MPRIP: variants seen among roughly 807,000 people sequenced by gnomAD.
MPRIP encodes the protein myosin phosphatase Rho interacting protein.
Under a neutral mutation model 234.9 loss-of-function variants are expected in MPRIP, and 59 were observed. That is an observed-to-expected ratio of 0.25 (90% CI 0.20 to 0.31). MPRIP has a LOEUF of 0.31. MPRIP is among the 10% of genes least tolerant of loss of function. The pLI, the probability that MPRIP is intolerant of heterozygous loss-of-function variation, is 1.00. For synonymous variants in MPRIP, 1,144 were observed against 1,263.9 expected (o/e 0.91, Z 2.01); for missense variants, 2,436 against 3,071.0 (o/e 0.79, Z 4.89).
chr17:17,078,150 C>A lies in MPRIP; in HGVS notation c.267+74C>A, dbSNP rs751158636. The A allele has an allele frequency of 1.4e-6, 2 of 1,455,086 alleles. No homozygotes were observed. Among genetic ancestry groups the A allele is most frequent in the Admixed American group, 1.7e-5 (1 of 59,532 alleles). The allele number at this position is 1,455,086 out of a possible 1,614,324, so 90.1% of individuals were successfully genotyped here. On this transcript the variant is annotated intron_variant, in intron 3 of 23. Transcript: ENST00000651222. This position sits in a 1 kb window ranked among gnomAD's most constrained non-coding sequence, Gnocchi z 4.3. Reference sequence around the variant, plus strand: ...CTCCATTACAGTGCCCTTGCGTTGTCATGTGAGAGCACAGCAGCCATGTGC... The same window carrying A: ...CTCCATTACAGTGCCCTTGCGTTGTAATGTGAGAGCACAGCAGCCATGTGC...
At chr17:17,181,198 T>C (rs556692127) in intron 23 of MPRIP, among the ~76,000 whole-genome samples, 27 of 152,136 alleles carry the variant, frequency 1.8e-4, no homozygotes, top group African/African-American at 6.3e-4. Context: ...ACCAGTATTT[T>C]TTTTTTTAAT....
At chr17:17,177,537 C>A in intron 22 of MPRIP, 125 bp downstream of exon 22, 1 of 1,060,076 alleles carries the variant, frequency 9.4e-7, no homozygotes, top group South Asian at 1.6e-5. Flanking sequence ...CCCAGGCATC[C>A]CAGTGGAGCA....
intron 3 of MPRIP, among the ~76,000 whole-genome samples, chr17:17,098,240 C>T (rs756165509): frequency 6.6e-6 from 1 of 152,202 alleles, no homozygotes; most frequent in Non-Finnish European, 1.5e-5. Flanking sequence ...ACCTCTTTCC[C>T]CAGAACCTGC....
At chr17:17,088,228 A>G (rs1355192603) in intron 3 of MPRIP, among the ~76,000 whole-genome samples, 1 of 152,142 alleles carries the variant, frequency 6.6e-6, no homozygotes, top group Non-Finnish European at 1.5e-5. Context: ...CACACCCCGC[A>G]CTGGGGAGGC....
intron 3 of MPRIP, among the ~76,000 whole-genome samples, chr17:17,101,605 A>AT (rs2144220451): frequency 6.6e-6 from 1 of 151,324 alleles, no homozygotes; most frequent in South Asian, 2.1e-4. Flanking sequence ...ACAACAAAAA[A>AT]AATATATATA....
intron 4 of MPRIP, among the ~76,000 whole-genome samples, chr17:17,128,598 G>T (rs1030436389): frequency 6.6e-6 from 1 of 152,158 alleles, no homozygotes; most frequent in Admixed American, 6.5e-5. Flanking sequence ...GTGTGTGGTG[G>T]CTCAGTGGCG....
Position 17,164,697 on chromosome 17 carries a change from T to C in MPRIP, c.3106T>C (p.Leu1036=). The C allele has an allele frequency of 7.9e-7, 1 of 1,273,520 alleles. No individual in the cohort carries two copies. The highest frequency in any genetic ancestry group is 1.0e-6 in the Non-Finnish European group (1 of 976,844). The allele number at this position is 1,273,520 out of a possible 1,614,324, so 78.9% of individuals were successfully genotyped here. Residue 1036 remains leucine, a synonymous_variant, in exon 16 of 24, where the codon TTG becomes CTG. Transcript: ENST00000651222. ...LESCEKEKQA[L]LQNLKEVEDK... ...GAGCTGTGAGAAGGAGAAGCAGGCATTGCTGCAGAACCTAAAGGAAGTGGA... is the reference window on the plus strand; with the variant it reads ...GAGCTGTGAGAAGGAGAAGCAGGCACTGCTGCAGAACCTAAAGGAAGTGGA...
chr17:17,153,477 C>G (rs573875300), intron 12 of MPRIP, among the ~76,000 whole-genome samples: 1 of 152,066 alleles, frequency 6.6e-6, no homozygotes, highest in Non-Finnish European at 1.5e-5. Flanking sequence ...CCAGGCAGGT[C>G]TGCTCAGGGG....
chr17:17,078,289 G>C lies in MPRIP; in HGVS notation c.267+213G>C, dbSNP rs1293248951. On this transcript the variant is annotated intron_variant, in intron 3 of 23. Coordinates refer to ENST00000651222, the MANE Select transcript of MPRIP (RefSeq NM_001364716.4). This position sits in a 1 kb window ranked among gnomAD's most constrained non-coding sequence, Gnocchi z 4.3. The stretch of plus-strand genomic sequence containing the variant: ...TTGAAACATCATCTTCTGTGGTCTT[G>C]AGTGAGAGGAAGAAGTGAGGGAGGA... Among the ~76,000 whole-genome samples the C allele has an allele frequency of 1.3e-5, 2 of 152,152 alleles. No homozygotes were observed. Among genetic ancestry groups the C allele is most frequent in the Non-Finnish European group, 2.9e-5 (2 of 68,038 alleles).
At chr17:17,098,184 A>G (rs2089887957) in intron 3 of MPRIP, among the ~76,000 whole-genome samples, 1 of 152,186 alleles carries the variant, frequency 6.6e-6, no homozygotes, top group Non-Finnish European at 1.5e-5. Context: ...CGCTGGCAGC[A>G]GGAAGAAAGG....
At chr17:17,055,378 A>G (rs2088661926) in intron 1 of MPRIP, among the ~76,000 whole-genome samples, 1 of 152,178 alleles carries the variant, frequency 6.6e-6, no homozygotes, top group Non-Finnish European at 1.5e-5. Context: ...AGAGGATCCC[A>G]GAGCTGGGGA....
chr17:17,042,845 G>C lies in MPRIP; in HGVS notation c.-4G>C. 6.5e-7 allele frequency: 1 copy of C among 1,535,068 alleles called. No homozygotes were observed. Among genetic ancestry groups the C allele is most frequent in the Non-Finnish European group, 8.8e-7 (1 of 1,140,244 alleles). The stretch of plus-strand genomic sequence containing the variant: ...CCGCCGCCGCCGTCGCCGCCGCGCC[G>C]ACCATGTCGGCAGCCAAGGAGAACC... On this transcript the variant is annotated 5_prime_UTR_variant, in exon 1 of 24. Transcript: ENST00000651222.
At chr17:17,047,839 G>A (rs1318230711) in intron 1 of MPRIP, among the ~76,000 whole-genome samples, 1 of 152,176 alleles carries the variant, frequency 6.6e-6, no homozygotes, top group Non-Finnish European at 1.5e-5. Flanking sequence ...TGTGGAGGTG[G>A]TTGCTGAAAT....
chr17:17,122,118 TATGC>T, intron 3 of MPRIP, among the ~76,000 whole-genome samples: 2 of 152,348 alleles, frequency 1.3e-5, no homozygotes, highest in East Asian at 3.9e-4. Flanking sequence ...TGAACATACA[TATGC>T]ATGTGTCTTT....
intron 5 of MPRIP, 33 bp downstream of exon 5, chr17:17,131,734 C>G: frequency 3.1e-6 from 5 of 1,588,094 alleles, no homozygotes; most frequent in Non-Finnish European, 4.3e-6. Context: ...GGCATCCCCT[C>G]AGTGGAGCCA....
chr17:17,083,086 C>G (rs2089503652), intron 3 of MPRIP, among the ~76,000 whole-genome samples: 1 of 152,204 alleles, frequency 6.6e-6, no homozygotes, highest in Non-Finnish European at 1.5e-5. Context: ...GAGCTCTGCT[C>G]CATCCTAGCC....
intron 23 of MPRIP, 37 bp downstream of exon 23, chr17:17,180,125 T>A: frequency 6.7e-7 from 1 of 1,489,994 alleles, no homozygotes; most frequent in African/African-American, 1.4e-5. Flanking sequence ...GGGAGGGGCT[T>A]GAGGGACACT....
At chr17:17,098,546 C>T (rs1345035070) in intron 3 of MPRIP, among the ~76,000 whole-genome samples, 5 of 152,192 alleles carry the variant, frequency 3.3e-5, no homozygotes, top group East Asian at 1.9e-4. Context: ...TTGTCGGGTC[C>T]GGAGGGCTGG....
chr17:17,185,677 C>G lies in MPRIP; in HGVS notation c.*783C>G, dbSNP rs2144733853. The G allele has an allele frequency of 5.2e-6, 2 of 385,684 alleles. No individual in the cohort carries two copies. Among genetic ancestry groups the G allele is most frequent in the East Asian group, 8.1e-5 (1 of 12,366 alleles). 23.9% of individuals were successfully genotyped at this position (385,684 alleles called of 1,614,324 possible). A position where few individuals can be genotyped will look rare whatever the true frequency, so the allele number is the denominator to read the frequency against. On this transcript the variant is annotated 3_prime_UTR_variant, in exon 24 of 24. Coordinates refer to ENST00000651222, the MANE Select transcript of MPRIP (RefSeq NM_001364716.4). ...GATTGTTGACCTGCAGCCCAGGTTTCAGACTCTGATTGCAAAAAACAAATG... is the reference window on the plus strand; with the variant it reads ...GATTGTTGACCTGCAGCCCAGGTTTGAGACTCTGATTGCAAAAAACAAATG...
Sources: allele counts gnomAD v4.1 joint callset (sites outside exome capture counted in the v4.1 genomes callset), GRCh38; gene constraint gnomAD v4.1.1; non-coding constraint Gnocchi (gnomAD v3.1); transcripts MANE v1.5; gene names NCBI Gene and HGNC (gene_info 2026-07-23, HGNC 2026-07-21).